Variants in SYT1 observed in about 807,000 individuals in gnomAD.
The protein encoded by SYT1 is synaptotagmin-1.
A neutral mutation model predicts 44.8 loss-of-function variants in SYT1; 8 were observed. That is an observed-to-expected ratio of 0.18 (90% CI 0.10 to 0.32). The LOEUF is 0.32. Ranked by LOEUF, SYT1 falls within the 10% of genes least tolerant of loss-of-function variation. The probability of loss-of-function intolerance (pLI) is 1.00; values close to 1 mark genes in which losing one functional copy is unlikely to be tolerated. For missense variants in SYT1, 286 were observed against 509.3 expected (o/e 0.56, Z 4.22); for synonymous variants, 154 against 188.8 (o/e 0.82, Z 1.51).
chr12:79,256,165 A>G (rs11113332), intron 4 of SYT1, among the ~76,000 whole-genome samples: 1 of 152,262 alleles, frequency 6.6e-6, no homozygotes, highest in South Asian at 2.1e-4. Flanking sequence ...GATGACTGCC[A>G]TGACTATCTG....
chr12:79,022,862 C>G (rs543345995), intron 2 of SYT1, among the ~76,000 whole-genome samples: 40 of 151,692 alleles, frequency 2.6e-4, no homozygotes, highest in African/African-American at 9.4e-4. Context: ...CAATATACAG[C>G]AAAACAACCC....
At chr12:78,870,765 C>T (rs1315077086) in intron 1 of SYT1, among the ~76,000 whole-genome samples, 1 of 151,972 alleles carries the variant, frequency 6.6e-6, no homozygotes, top group South Asian at 2.1e-4. Flanking sequence ...CTGGGCCATC[C>T]TCCTTGCATG....
At chr12:78,960,694 A>T (rs919196383) in intron 1 of SYT1, 2 of 152,224 alleles carry the variant, frequency 1.3e-5, no homozygotes, top group Non-Finnish European at 2.9e-5. Flanking sequence ...AGGGTTAGAG[A>T]TGGCTTCTGG....
chr12:78,995,600 G>A (rs956973226), intron 2 of SYT1, among the ~76,000 whole-genome samples: 31 of 152,140 alleles, frequency 2.0e-4, no homozygotes, highest in African/African-American at 4.1e-4. Context: ...GTAGCATTTC[G>A]CCAGCATATC....
intron 2 of SYT1, among the ~76,000 whole-genome samples, chr12:79,005,637 T>G (rs1009410658): frequency 1.3e-5 from 2 of 152,120 alleles, no homozygotes; most frequent in African/African-American, 4.8e-5. Context: ...CTAGACATGG[T>G]CCTTAATATT....
chr12:79,085,480 G>A (rs1034818688), intron 3 of SYT1, among the ~76,000 whole-genome samples: 2 of 152,088 alleles, frequency 1.3e-5, no homozygotes, highest in African/African-American at 4.8e-5. Context: ...AACTGGCCAT[G>A]TCCCAGGGCA....
At chr12:79,230,158 T>G (rs947250361) in intron 4 of SYT1, among the ~76,000 whole-genome samples, 2 of 152,212 alleles carry the variant, frequency 1.3e-5, no homozygotes, top group African/African-American at 4.8e-5. Flanking sequence ...AACTATTTTC[T>G]GTATAAACAC....
At chr12:79,137,618 A>C (rs1300756232) in intron 3 of SYT1, among the ~76,000 whole-genome samples, 1 of 152,204 alleles carries the variant, frequency 6.6e-6, no homozygotes, top group Non-Finnish European at 1.5e-5. Flanking sequence ...GCTGCATTCA[A>C]AATACCTTTG....
chr12:79,168,503 A>G (rs1395527799), intron 3 of SYT1, among the ~76,000 whole-genome samples: 1 of 152,086 alleles, frequency 6.6e-6, no homozygotes, highest in Non-Finnish European at 1.5e-5. Context: ...TTCACACAGA[A>G]TATTGCTAGT....
chr12:79,144,263 T>G (rs1432911726), intron 3 of SYT1, among the ~76,000 whole-genome samples: 1 of 152,184 alleles, frequency 6.6e-6, no homozygotes, highest in Non-Finnish European at 1.5e-5. Flanking sequence ...GCAGAGTCAA[T>G]AACACCTATT....
intron 9 of SYT1, among the ~76,000 whole-genome samples, chr12:79,362,529 C>T (rs975048585): frequency 2.0e-5 from 3 of 152,090 alleles, no homozygotes; most frequent in Admixed American, 6.6e-5. Context: ...ATGTGTACAA[C>T]ACACAGAGTT....
intron 4 of SYT1, among the ~76,000 whole-genome samples, chr12:79,224,107 T>C (rs1875340431): frequency 6.6e-6 from 1 of 152,174 alleles, no homozygotes; most frequent in African/African-American, 2.4e-5. Context: ...TGTTCAAACT[T>C]ATGATTTTGT....
chr12:78,913,963 A>T (rs1876494423), intron 1 of SYT1, among the ~76,000 whole-genome samples: 1 of 151,842 alleles, frequency 6.6e-6, no homozygotes, highest in Non-Finnish European at 1.5e-5. Flanking sequence ...TGCCTTGAGA[A>T]AATCAGTTAA....
intron 3 of SYT1, among the ~76,000 whole-genome samples, chr12:79,082,548 A>G (rs1178391252): frequency 6.6e-6 from 1 of 152,196 alleles, no homozygotes; most frequent in Admixed American, 6.6e-5. Flanking sequence ...TATATACATA[A>G]ACATATACCT....
intron 9 of SYT1, among the ~76,000 whole-genome samples, chr12:79,364,431 A>ATCTTACTTG (rs1313182902): frequency 6.6e-6 from 1 of 152,180 alleles, no homozygotes; most frequent in African/African-American, 2.4e-5. Context: ...ATGATTCAGC[A>ATCTTACTTG]TCTTACTTGT....
At chr12:78,981,125 G>GTTTTTT (rs1171068435) in intron 2 of SYT1, among the ~76,000 whole-genome samples, 6 of 122,692 alleles carry the variant, frequency 4.9e-5, no homozygotes, top group Middle Eastern at 4.3e-3. Flanking sequence ...TTGTTTCTTT[G>GTTTTTT]TTTTTTTTTT....
intron 2 of SYT1, among the ~76,000 whole-genome samples, chr12:79,043,932 T>C (rs1873794697): frequency 1.3e-5 from 2 of 152,246 alleles, no homozygotes. Flanking sequence ...AATTGTTTTC[T>C]TTAAGAATGT....
intron 9 of SYT1, among the ~76,000 whole-genome samples, chr12:79,375,084 A>G (rs933428332): frequency 1.3e-5 from 2 of 152,202 alleles, no homozygotes; most frequent in Non-Finnish European, 2.9e-5. Flanking sequence ...ATGTAATTTT[A>G]TATGTCATGA....
chr12:78,982,760 T>C (rs1396270861), intron 2 of SYT1, among the ~76,000 whole-genome samples: 5 of 152,212 alleles, frequency 3.3e-5, no homozygotes, highest in Non-Finnish European at 7.4e-5. Flanking sequence ...ATCATAGTTA[T>C]ACTCACATAT....
Sources: allele counts gnomAD v4.1 joint callset (sites outside exome capture counted in the v4.1 genomes callset), GRCh38; gene constraint gnomAD v4.1.1; transcripts MANE v1.5; gene names NCBI Gene and HGNC (gene_info 2026-07-23, HGNC 2026-07-21).